The following GRM8 variants were observed in gnomAD, a reference collection of about 807,000 sequenced individuals.
GRM8 encodes the protein glutamate metabotropic receptor 8, also known as metabotropic glutamate receptor 8.
GRM8 carries 47 observed loss-of-function variants against 87.2 expected under a neutral mutation model. The ratio of observed to expected loss-of-function variants is 0.54; its 90% CI spans 0.43 to 0.69. The LOEUF (loss-of-function observed/expected upper bound fraction) is 0.69. Ranked by LOEUF, GRM8 falls within the 30% of genes least tolerant of loss-of-function variation. The pLI is 0.00. For missense variants in GRM8, 1,019 were observed against 1,139.2 expected (o/e 0.89, Z 1.52); for synonymous variants, 396 against 404.5 (o/e 0.98, Z 0.25).
intron 3 of GRM8, among the ~76,000 whole-genome samples, chr7:126,955,174 TA>T (rs535605027): frequency 9.1e-4 from 139 of 152,264 alleles, no homozygotes; most frequent in Non-Finnish European, 1.7e-3. Context: ...TAGCCTTTTT[TA>T]AAAAAGGAAT....
intron 3 of GRM8, among the ~76,000 whole-genome samples, chr7:127,000,645 T>C (rs1478895168): frequency 6.6e-6 from 1 of 151,670 alleles, no homozygotes; most frequent in East Asian, 1.9e-4. Context: ...ATACCTAGAA[T>C]TGGAAAATTT....
At chr7:126,864,034 C>CTTTTTT (rs35544185) in intron 6 of GRM8, among the ~76,000 whole-genome samples, 8 of 117,864 alleles carry the variant, frequency 6.8e-5, no homozygotes, top group Non-Finnish European at 9.9e-5. Flanking sequence ...CTATGTGTGG[C>CTTTTTT]TTTTTTTTTT....
At chr7:126,939,535 A>G (rs572167714) in intron 3 of GRM8, among the ~76,000 whole-genome samples, 2 of 152,348 alleles carry the variant, frequency 1.3e-5, no homozygotes, top group South Asian at 4.2e-4. Context: ...GCATTCAGAT[A>G]ATGGATGACG....
chr7:126,727,414 G>A (rs1170324206), intron 7 of GRM8, among the ~76,000 whole-genome samples: 2 of 151,878 alleles, frequency 1.3e-5, no homozygotes, highest in Non-Finnish European at 2.9e-5. Flanking sequence ...GACTACATGG[G>A]AATTTAATTA....
At chr7:126,974,780 T>A (rs980162133) in intron 3 of GRM8, among the ~76,000 whole-genome samples, 26 of 151,530 alleles carry the variant, frequency 1.7e-4, no homozygotes, top group Non-Finnish European at 2.7e-4. Flanking sequence ...AAAAATATTT[T>A]AAAAAATTGG....
At chr7:126,963,592 C>T (rs1425263607) in intron 3 of GRM8, among the ~76,000 whole-genome samples, 1 of 151,938 alleles carries the variant, frequency 6.6e-6, no homozygotes, top group African/African-American at 2.4e-5. Context: ...AAATAAAATA[C>T]CTAGAAATAC....
At chr7:127,085,404 G>T (rs574280181) in intron 3 of GRM8, among the ~76,000 whole-genome samples, 1 of 152,312 alleles carries the variant, frequency 6.6e-6, no homozygotes, top group East Asian at 1.9e-4. Context: ...TTCCACAATG[G>T]TTGAACTAAT....
At chr7:127,041,877 C>G (rs963181839) in intron 3 of GRM8, among the ~76,000 whole-genome samples, 10 of 152,178 alleles carry the variant, frequency 6.6e-5, no homozygotes, top group African/African-American at 1.9e-4. Flanking sequence ...GTTGATACAG[C>G]TGAGCCCTGT....
intron 7 of GRM8, among the ~76,000 whole-genome samples, chr7:126,625,584 T>G (rs939535762): frequency 6.6e-6 from 1 of 152,192 alleles, no homozygotes; most frequent in African/African-American, 2.4e-5. Context: ...GCTTTAAGGT[T>G]GCAAAGTGTC....
intron 7 of GRM8, among the ~76,000 whole-genome samples, chr7:126,684,277 G>T (rs1807929545): frequency 6.6e-6 from 1 of 152,112 alleles, no homozygotes; most frequent in Non-Finnish European, 1.5e-5. Flanking sequence ...GAATCCTCTT[G>T]GGTCCAAGGA....
At position 126,520,151 on chromosome 7, in the gene GRM8, G is replaced by A. The variant is rs143379564; in HGVS notation, c.2430+12801C>T. Among the ~76,000 whole-genome samples, 616 of 151,586 alleles carry A rather than the reference G, an allele frequency of 4.1e-3. 1 individual carries two copies. Among genetic ancestry groups the A allele is most frequent in the Non-Finnish European group, 7.1e-3 (484 of 67,792 alleles). ...CTAGGAGAAATTTCAAACAAACACT[G>A]TAATTTGTTGACAGAGTCTAAACAG... On this transcript the variant is annotated intron_variant, in intron 9 of 10. Transcript: ENST00000339582.
chr7:126,884,928 G>A (rs1800348591), intron 6 of GRM8, among the ~76,000 whole-genome samples: 1 of 152,144 alleles, frequency 6.6e-6, no homozygotes, highest in South Asian at 2.1e-4. Context: ...GACAAGTTAG[G>A]GGCCTTGTAT....
chr7:126,985,495 C>T (rs1299176550), intron 3 of GRM8, among the ~76,000 whole-genome samples: 2 of 152,126 alleles, frequency 1.3e-5, no homozygotes, highest in Non-Finnish European at 2.9e-5. Context: ...TATCTGAGTC[C>T]ACTTTCTGTT....
At chr7:127,113,384 C>T (rs1425237763) in intron 2 of GRM8, among the ~76,000 whole-genome samples, 2 of 152,214 alleles carry the variant, frequency 1.3e-5, no homozygotes, top group African/African-American at 2.4e-5. Flanking sequence ...CTGCAAGAAA[C>T]TTGCATACAT....
intron 3 of GRM8, among the ~76,000 whole-genome samples, chr7:127,043,379 T>C (rs1164886825): frequency 3.3e-5 from 5 of 152,166 alleles, no homozygotes; most frequent in Non-Finnish European, 5.9e-5. Flanking sequence ...TGTCCAACAA[T>C]GATAGACTGG....
At chr7:126,946,097 T>C (rs1807505316) in intron 3 of GRM8, among the ~76,000 whole-genome samples, 1 of 152,218 alleles carries the variant, frequency 6.6e-6, no homozygotes, top group Non-Finnish European at 1.5e-5. Flanking sequence ...TGGTTTGGCC[T>C]ACAGAATACA....
intron 3 of GRM8, among the ~76,000 whole-genome samples, chr7:126,936,608 C>T (rs1189108249): frequency 6.6e-6 from 1 of 152,158 alleles, no homozygotes; most frequent in Non-Finnish European, 1.5e-5. Context: ...TAAGGTATAA[C>T]TAGGAAGGAT....
chr7:126,750,329 A>C (rs542548974), intron 7 of GRM8, among the ~76,000 whole-genome samples: 4 of 152,242 alleles, frequency 2.6e-5, no homozygotes, highest in African/African-American at 9.6e-5. Context: ...AGGACATGAC[A>C]CTGCAGAGAG....
intron 6 of GRM8, among the ~76,000 whole-genome samples, chr7:126,897,051 C>G (rs1389511440): frequency 1.3e-5 from 2 of 152,008 alleles, no homozygotes; most frequent in South Asian, 2.1e-4. Context: ...ATGAATGAAA[C>G]AAAGGAAGGT....
Sources: allele counts gnomAD v4.1 joint callset (sites outside exome capture counted in the v4.1 genomes callset), GRCh38; gene constraint gnomAD v4.1.1; transcripts MANE v1.5; gene names NCBI Gene and HGNC (gene_info 2026-07-23, HGNC 2026-07-21).